The following SLCO5A1 variants were observed in gnomAD, a reference collection of about 807,000 sequenced individuals.
SLCO5A1 encodes solute carrier organic anion transporter family member 5A1.
In SLCO5A1, 39 loss-of-function variants were observed where a neutral mutation model predicts 65.1. That is an observed-to-expected ratio of 0.60 (90% CI 0.46 to 0.78). SLCO5A1 has a LOEUF of 0.78. Among genes scored for constraint, SLCO5A1 ranks in the 30% least tolerant of loss-of-function variants. The probability of loss-of-function intolerance (pLI) is 0.00; values close to 1 mark genes in which losing one functional copy is unlikely to be tolerated. For missense variants in SLCO5A1, 1,029 were observed against 1,069.4 expected (o/e 0.96, Z 0.53); for synonymous variants, 438 against 415.7 (o/e 1.05, Z -0.65).
chr8:69,749,738 A>C (rs1044373523), intron 4 of SLCO5A1, among the ~76,000 whole-genome samples: 4 of 132,514 alleles, frequency 3.0e-5, no homozygotes, highest in Non-Finnish European at 5.2e-5. Context: ...AATGTAATGG[A>C]CAAAAAAAAA....
chr8:69,695,587 A>C (rs1221072921), intron 6 of SLCO5A1, among the ~76,000 whole-genome samples: 1 of 152,126 alleles, frequency 6.6e-6, no homozygotes, highest in Non-Finnish European at 1.5e-5. Flanking sequence ...GCACTATTTT[A>C]ATGTTTTCAA....
rs191255473 is a variant in SLCO5A1 at position 69,728,755 on chromosome 8, G to T, written c.1423+9285C>A. Reference sequence around the variant, plus strand: ...ATTATGTTAAAGTCATTAGAAAAAAGATTTTTATCATTAAACAAAAGAGAT... The same window carrying T: ...ATTATGTTAAAGTCATTAGAAAAAATATTTTTATCATTAAACAAAAGAGAT... On this transcript the variant is annotated intron_variant, in intron 5 of 9. Transcript: ENST00000260126. Among the ~76,000 whole-genome samples, 91 of 152,154 alleles carry T rather than the reference G, an allele frequency of 6.0e-4. 2 individuals are homozygous for T. In the South Asian group the frequency reaches 9.2e-3, roughly 15 times the overall value.
chr8:69,706,982 T>C (rs1814999730), intron 5 of SLCO5A1, among the ~76,000 whole-genome samples: 1 of 152,062 alleles, frequency 6.6e-6, no homozygotes, highest in African/African-American at 2.4e-5. Context: ...ACCATGTCTC[T>C]ATTAAAAGTT....
rs556023216 is a variant in SLCO5A1 at position 69,829,522 on chromosome 8, C to CA, written c.907+2244dup. On this transcript the variant is annotated intron_variant, in intron 2 of 9. Coordinates refer to ENST00000260126, the MANE Select transcript of SLCO5A1 (RefSeq NM_030958.3). ...GAAACATGATGAAACTCTATCTCCACAAAAAATTAGCTGGGCACGGTGGCA... is the reference window on the plus strand; with the variant it reads ...GAAACATGATGAAACTCTATCTCCACAAAAAAATTAGCTGGGCACGGTGGCA... Among the ~76,000 whole-genome samples the CA allele has an allele frequency of 1.7e-4, 26 of 152,202 alleles. No homozygotes were observed. The South Asian group carries it at 4.8e-3, about 28-fold the overall frequency.
chr8:69,779,050 T>C (rs971789259), intron 2 of SLCO5A1, among the ~76,000 whole-genome samples: 1 of 152,198 alleles, frequency 6.6e-6, no homozygotes, highest in African/African-American at 2.4e-5. Flanking sequence ...TACACCAAAA[T>C]GGCAGAGTTG....
At chr8:69,775,815 A>G (rs1818529790) in intron 2 of SLCO5A1, among the ~76,000 whole-genome samples, 1 of 152,118 alleles carries the variant, frequency 6.6e-6, no homozygotes, top group Non-Finnish European at 1.5e-5. Flanking sequence ...GGAGTTGGAG[A>G]CCAAGCTGGG....
chr8:69,722,109 TTGCAGTGAGC>T (rs1410876680), intron 5 of SLCO5A1, among the ~76,000 whole-genome samples: 3 of 151,776 alleles, frequency 2.0e-5, no homozygotes, highest in African/African-American at 7.3e-5. Flanking sequence ...GAGGCGGAGG[TTGCAGTGAGC>T]TGAGATCTAC....
rs1056234945 is a variant in SLCO5A1, at chr8:69,671,868, A to G, written c.*1001T>C. 6.6e-6 allele frequency: 1 copy of G among 152,200 alleles called. No individual in the cohort carries two copies. Among genetic ancestry groups the G allele is most frequent in the African/African-American group, 2.4e-5 (1 of 41,458 alleles). 9.4% of individuals were successfully genotyped at this position (152,200 alleles called of 1,614,324 possible). ...TAAGTATGCATTTTCAGGAGCAACC[A>G]CAGCAATTTTCTGTCCAGAAAAAAA... On this transcript the variant is annotated 3_prime_UTR_variant, in exon 10 of 10. Transcript: ENST00000260126.
intron 2 of SLCO5A1, among the ~76,000 whole-genome samples, chr8:69,773,447 T>A (rs561658550): frequency 6.6e-6 from 1 of 152,226 alleles, no homozygotes; most frequent in East Asian, 1.9e-4. Flanking sequence ...CACACCCTCT[T>A]CCCTCTCTGC....
At chr8:69,766,800 C>T (rs10110819) in intron 2 of SLCO5A1, among the ~76,000 whole-genome samples, 22,701 of 152,138 alleles carry the variant, frequency 0.15, 1,805 homozygotes, top group African/African-American at 0.17. Context: ...ACATAAGCTC[C>T]TCAAGAGATG....
chr8:69,678,806 A>AAG (rs1053458507), intron 8 of SLCO5A1, among the ~76,000 whole-genome samples: 1 of 151,924 alleles, frequency 6.6e-6, no homozygotes, highest in African/African-American at 2.4e-5. Context: ...AACTGAAAAA[A>AAG]AAAAAAAGGG....
chr8:69,817,749 T>C (rs1357860172), intron 2 of SLCO5A1, among the ~76,000 whole-genome samples: 1 of 152,208 alleles, frequency 6.6e-6, no homozygotes, highest in East Asian at 1.9e-4. Flanking sequence ...ATCAAGTCTT[T>C]GCAATGGAAA....
At chr8:69,682,109 C>T in intron 7 of SLCO5A1, 75 bp downstream of exon 7, 4 of 1,466,816 alleles carry the variant, frequency 2.7e-6, no homozygotes, top group Middle Eastern at 1.7e-4. Flanking sequence ...GTCATTGTAG[C>T]TGCATAGGAA....
intron 8 of SLCO5A1, among the ~76,000 whole-genome samples, chr8:69,678,255 A>C (rs1445733065): frequency 6.6e-6 from 1 of 152,170 alleles, no homozygotes; most frequent in Non-Finnish European, 1.5e-5. Flanking sequence ...TTTAGGATTA[A>C]ACAAGTTTTA....
intron 2 of SLCO5A1, among the ~76,000 whole-genome samples, chr8:69,766,398 T>C (rs1818058680): frequency 1.3e-5 from 2 of 152,310 alleles, no homozygotes; most frequent in Middle Eastern, 3.4e-3. Context: ...TCATCTCTCA[T>C]CACTCCCTGT....
At chr8:69,694,499 A>G (rs1464813704) in intron 6 of SLCO5A1, among the ~76,000 whole-genome samples, 1 of 152,204 alleles carries the variant, frequency 6.6e-6, no homozygotes, top group Non-Finnish European at 1.5e-5. Flanking sequence ...GCAGAACAAG[A>G]AACAGTTTTT....
chr8:69,818,546 C>T lies in SLCO5A1; in HGVS notation c.907+13221G>A, dbSNP rs549561648. ...AATGTGAGAGGAGAGATCAATAAAA[C>T]CCTATTTGAAAACTCTACCATAAAT... is the stretch of plus-strand genomic sequence containing the variant. On this transcript the variant is annotated intron_variant, in intron 2 of 9. Transcript: ENST00000260126. Among the ~76,000 whole-genome samples the T allele has an allele frequency of 2.0e-5, 3 of 152,296 alleles. No individual in the cohort carries two copies. In the South Asian group the frequency reaches 6.2e-4, roughly 32 times the overall value.
At chr8:69,702,983 G>A (rs1020421606) in intron 6 of SLCO5A1, among the ~76,000 whole-genome samples, 1 of 151,806 alleles carries the variant, frequency 6.6e-6, no homozygotes, top group East Asian at 1.9e-4. Context: ...GGTGGTGCAT[G>A]CCTGTAGACT....
chr8:69,803,353 G>GT (rs1269329948), intron 2 of SLCO5A1, among the ~76,000 whole-genome samples: 1 of 152,156 alleles, frequency 6.6e-6, no homozygotes, highest in Non-Finnish European at 1.5e-5. Flanking sequence ...GGAGGCAGAG[G>GT]TTGCCGTGAG....
Sources: gnomAD v4.1 joint callset for allele counts (sites outside exome capture counted in the v4.1 genomes callset) on GRCh38, gnomAD v4.1.1 for gene constraint, MANE v1.5 for transcripts, NCBI Gene and HGNC (gene_info 2026-07-23, HGNC 2026-07-21) for gene names.